Variants in PCDHGB2 observed in about 807,000 individuals in gnomAD.
PCDHGB2 encodes protocadherin gamma-B2.
Under a neutral mutation model 59.3 loss-of-function variants are expected in PCDHGB2, and 55 were observed. The observed-to-expected ratio is 0.93, with a 90% CI of 0.75 to 1.16. The LOEUF is 1.16. Ranked by LOEUF, PCDHGB2 falls within the 50% of genes most tolerant of loss-of-function variation. PCDHGB2 has a pLI of 0.00. For synonymous variants in PCDHGB2, 516 were observed against 512.0 expected, an observed-to-expected ratio of 1.01 and a Z score of -0.11; for missense variants, 1,228 against 1,198.5, an observed-to-expected ratio of 1.02 and a Z score of -0.36.
Position 141,427,844 on chromosome 5 carries a change from C to A in PCDHGB2, c.2421+65288C>A, listed in dbSNP as rs997069058. 6.5e-6 allele frequency: 10 copies of A among 1,550,194 alleles called. No homozygotes were observed. In the East Asian group the frequency reaches 2.2e-4, roughly 35 times the overall value. On this transcript the variant is annotated intron_variant, in intron 1 of 3. Transcript: ENST00000522605. ...TGGTCGCGCAGCGTGCCTTCGACCA[C>A]GAGCAGCTGTGCGCCTTCGAGCTCA...
rs70988800 is a variant in PCDHGB2, at chr5:141,379,889, C to CTTTTTTTTTTTT, written c.2421+17352_2421+17363dup. Reference sequence around the variant, plus strand: ...CTTATTTTATGGTCTGTGAAAGCCTCTTTTTTTTTTTTTTTTTTTTTTTTT... The same window carrying CTTTTTTTTTTTT: ...CTTATTTTATGGTCTGTGAAAGCCTCTTTTTTTTTTTTTTTTTTTTTTTTTTTTTTTTTTTTT... On this transcript the variant is annotated intron_variant, in intron 1 of 3. Transcript: ENST00000522605. Among the ~76,000 whole-genome samples, 158 of 50,832 alleles carry CTTTTTTTTTTTT rather than the reference C, an allele frequency of 3.1e-3. 25 individuals are homozygous for CTTTTTTTTTTTT. The highest frequency in any genetic ancestry group is 4.7e-3 in the African/African-American group (71 of 15,080). 33.3% of individuals were successfully genotyped at this position (50,832 alleles called of 152,430 possible). A position where few individuals can be genotyped will look rare whatever the true frequency, so the allele number is the denominator to read the frequency against.
chr5:141,420,252 C>G (rs745697672), intron 1 of PCDHGB2: 2 of 1,576,604 alleles, frequency 1.3e-6, no homozygotes, highest in Non-Finnish European at 1.7e-6. Flanking sequence ...AGCGTTGAAG[C>G]AGATAAGAAG....
intron 1 of PCDHGB2, chr5:141,394,355 G>C (rs767192511): frequency 4.3e-6 from 7 of 1,614,064 alleles, no homozygotes; most frequent in African/African-American, 1.3e-5. Context: ...CCGGTGTCCT[G>C]TATGCGCTGC....
At chr5:141,425,606 G>A (rs1419859039) in intron 1 of PCDHGB2, among the ~76,000 whole-genome samples, 1 of 152,156 alleles carries the variant, frequency 6.6e-6, no homozygotes, top group Non-Finnish European at 1.5e-5. Context: ...GCCCTATATA[G>A]CTTTCAGTGC....
At position 141,374,455 on chromosome 5, in the gene PCDHGB2, G is replaced by A. The variant is rs772470084; in HGVS notation, c.2421+11899G>A. 3.7e-6 allele frequency: 6 copies of A among 1,613,610 alleles called. No homozygotes were observed. In the South Asian group the frequency reaches 5.5e-5, roughly 15 times the overall value. The stretch of plus-strand genomic sequence containing the variant: ...TTTATCCCGTGGAAGTGGAAATAGT[G>A]GACATTAATGACAATACACCCCGAT... On this transcript the variant is annotated intron_variant, in intron 1 of 3. Coordinates refer to ENST00000522605, the MANE Select transcript of PCDHGB2 (RefSeq NM_018923.3).
chr5:141,490,652 C>A lies in PCDHGB2; in HGVS notation c.2422-4155C>A. ...ATCCTAGAAAACCGGCCTCCGGGCT[C>A]CCTTCTTTGCACTGTGGCTGCCTCA... On this transcript the variant is annotated intron_variant, in intron 1 of 3. Transcript: ENST00000522605. The surrounding 1 kb of genome is among the most constrained non-coding windows in gnomAD (Gnocchi z 5.4). 6.2e-7 allele frequency: 1 copy of A among 1,614,208 alleles called. No individual in the cohort carries two copies. Among genetic ancestry groups the A allele is most frequent in the Non-Finnish European group, 8.5e-7 (1 of 1,180,026 alleles).
intron 1 of PCDHGB2, among the ~76,000 whole-genome samples, chr5:141,434,518 T>C (rs2097700303): frequency 6.6e-6 from 1 of 152,188 alleles, no homozygotes; most frequent in Admixed American, 6.5e-5. Flanking sequence ...CTTAAAGGTG[T>C]TCTTAAACCA....
intron 1 of PCDHGB2, chr5:141,422,519 C>T (rs1297821851): frequency 6.2e-7 from 1 of 1,613,968 alleles, no homozygotes; most frequent in African/African-American, 1.3e-5. Context: ...CAGGGAAGCC[C>T]GCCTTTGTCT....
At chr5:141,404,495 T>A in intron 1 of PCDHGB2, 1 of 1,613,920 alleles carries the variant, frequency 6.2e-7, no homozygotes, top group South Asian at 1.1e-5. Context: ...TGGTGTGCTG[T>A]ATGCTCTGTG....
chr5:141,409,666 C>T, intron 1 of PCDHGB2: 3 of 1,613,554 alleles, frequency 1.9e-6, no homozygotes, highest in Non-Finnish European at 2.5e-6. Flanking sequence ...GCCACATCTC[C>T]TACTCTATAG....
Position 141,476,217 on chromosome 5 carries a change from A to G in PCDHGB2, c.2422-18590A>G. On this transcript the variant is annotated intron_variant, in intron 1 of 3. Coordinates refer to ENST00000522605, the MANE Select transcript of PCDHGB2 (RefSeq NM_018923.3). This position sits in a 1 kb window ranked among gnomAD's most constrained non-coding sequence, Gnocchi z 7.6. ...TTGAACAAGGCTTCCACGGTCATTC[A>G]CTATGAGATCCCGGAGGAAAGAGAG... The G allele has an allele frequency of 6.2e-7, 1 of 1,613,836 alleles. No homozygotes were observed. The highest frequency in any genetic ancestry group is 2.2e-5 in the East Asian group (1 of 44,818).
chr5:141,477,835 T>G lies in PCDHGB2; in HGVS notation c.2422-16972T>G. ...CCCAGGTCCTATATCCTCGGCCAGG[T>G]GGGAGCTCGGTGGAGATGCTGCCTC... On this transcript the variant is annotated intron_variant, in intron 1 of 3. Coordinates refer to ENST00000522605, the MANE Select transcript of PCDHGB2 (RefSeq NM_018923.3). This position sits in a 1 kb window ranked among gnomAD's most constrained non-coding sequence, Gnocchi z 4.9. The G allele has an allele frequency of 6.2e-7, 1 of 1,614,090 alleles. No individual in the cohort carries two copies. Among genetic ancestry groups the G allele is most frequent in the South Asian group, 1.1e-5 (1 of 91,072 alleles).
intron 1 of PCDHGB2, chr5:141,408,546 A>G (rs777449394): frequency 6.2e-7 from 1 of 1,613,898 alleles, no homozygotes; most frequent in Non-Finnish European, 8.5e-7. Context: ...AATCCTTTAA[A>G]TATTTTTCAT....
At chr5:141,390,523 G>A in intron 1 of PCDHGB2, 1 of 556,304 alleles carries the variant, frequency 1.8e-6, no homozygotes, top group Non-Finnish European at 3.1e-6. Context: ...AGCAATGAGG[G>A]TGTGGTTTTA....
At chr5:141,458,130 C>A (rs1441742986) in intron 1 of PCDHGB2, among the ~76,000 whole-genome samples, 2 of 152,248 alleles carry the variant, frequency 1.3e-5, no homozygotes, top group African/African-American at 4.8e-5. Flanking sequence ...AGGAACCAGG[C>A]AGAGAAAAAT....
chr5:141,481,348 T>C (rs2099536105), intron 1 of PCDHGB2, among the ~76,000 whole-genome samples: 1 of 152,250 alleles, frequency 6.6e-6, no homozygotes, highest in Non-Finnish European at 1.5e-5. Flanking sequence ...TATTTAAACA[T>C]CTACAGCTGT....
intron 1 of PCDHGB2, chr5:141,398,831 C>T: frequency 6.2e-7 from 1 of 1,614,014 alleles, no homozygotes; most frequent in South Asian, 1.1e-5. Context: ...GTAACCGACG[C>T]CAATGATAAT....
intron 1 of PCDHGB2, chr5:141,426,599 A>G (rs1171205143): frequency 2.7e-6 from 1 of 377,348 alleles, no homozygotes; most frequent in Non-Finnish European, 5.4e-6. Flanking sequence ...TCATACCCTT[A>G]GAGATTGTAG....
intron 1 of PCDHGB2, among the ~76,000 whole-genome samples, chr5:141,382,440 G>T (rs1184288404): frequency 6.6e-6 from 1 of 152,174 alleles, no homozygotes; most frequent in Non-Finnish European, 1.5e-5. Flanking sequence ...TCACTTGAAA[G>T]TTGCAAGGCA....
Sources: allele counts gnomAD v4.1 joint callset (sites outside exome capture counted in the v4.1 genomes callset), GRCh38; gene constraint gnomAD v4.1.1; non-coding constraint Gnocchi (gnomAD v3.1); transcripts MANE v1.5; gene names NCBI Gene and HGNC (gene_info 2026-07-23, HGNC 2026-07-21).